The following RXFP3 variants were observed in gnomAD, a reference collection of about 807,000 sequenced individuals.
The protein encoded by RXFP3 is relaxin family peptide receptor 3, also known as relaxin-3 receptor 1.
In RXFP3, 31 loss-of-function variants were observed where a neutral mutation model predicts 27.3. The observed-to-expected ratio is 1.13, with a 90% confidence interval of 0.85 to 1.53. The LOEUF (loss-of-function observed/expected upper bound fraction) is 1.53, where lower values mean the gene tolerates loss of function less well. RXFP3 is among the 40% of genes most tolerant of loss of function. The probability of loss-of-function intolerance (pLI) is 0.00; values close to 1 mark genes in which losing one functional copy is unlikely to be tolerated. For synonymous variants in RXFP3, 351 were observed against 293.6 expected (o/e 1.20, Z -2.00); for missense variants, 684 against 642.1 (o/e 1.07, Z -0.70).
rs1751665198 is a variant in RXFP3 at position 33,936,474 on chromosome 5, G to A, written c.-267G>A. On this transcript the variant is annotated 5_prime_UTR_variant, in exon 1 of 1. Coordinates refer to ENST00000330120, the MANE Select transcript of RXFP3 (RefSeq NM_016568.3). ...ATAAGGACCTAGGGACTCCGAGCTT[G>A]GCCTGAGAACCCTTGGACGCCGAGT... The A allele has an allele frequency of 2.5e-6, 1 of 401,194 alleles. No individual in the cohort carries two copies. The highest frequency in any genetic ancestry group is 4.4e-6 in the Non-Finnish European group (1 of 226,368). The allele number at this position is 401,194 out of a possible 1,614,324, so 24.9% of individuals were successfully genotyped here.
Position 33,937,987 on chromosome 5 carries a change from G to A in RXFP3, c.1247G>A (p.Arg416His), listed in dbSNP as rs769935103. The change falls in exon 1 of 1, where the codon CGC (arginine) becomes CAC (histidine). Residue 416 changes from arginine to histidine, a missense_variant. By Grantham distance (29) the Arg-to-His change is conservative. Coordinates refer to ENST00000330120, the MANE Select transcript of RXFP3 (RefSeq NM_016568.3). ...GCGTCTCCTTCGATCACCAGCATGCGCCCCTTCACCGCCACTACCAAGCCG... is the reference window on the plus strand; with the variant it reads ...GCGTCTCCTTCGATCACCAGCATGCACCCCTTCACCGCCACTACCAAGCCG... ...RIASPSITSM[R>H]PFTATTKPEH... 2 of 1,612,684 alleles carry A rather than the reference G, an allele frequency of 1.2e-6. No individual in the cohort carries two copies. Among genetic ancestry groups the A allele is most frequent in the African/African-American group, 1.3e-5 (1 of 75,052 alleles).
Position 33,937,789 on chromosome 5 carries a change from T to C in RXFP3, c.1049T>C (p.Ile350Thr). 1.2e-6 allele frequency: 2 copies of C among 1,614,122 alleles called. No homozygotes were observed. The highest frequency in any genetic ancestry group is 1.7e-6 in the Non-Finnish European group (2 of 1,180,030). Residue 350 changes from isoleucine (I) to threonine (T), a missense_variant, in exon 1 of 1, where the codon ATC (isoleucine) becomes ACC (threonine). Ile to Thr is a moderately conservative substitution (Grantham distance 89). Coordinates refer to ENST00000330120, the MANE Select transcript of RXFP3 (RefSeq NM_016568.3). ...AACCAGGCGCTCACCACCTGGAGCA[T>C]CCTCATCAAGTTCAACGCGGTGCCC... ...LPNQALTTWS[I>T]LIKFNAVPFS...
rs1340006701 is a variant in RXFP3 at position 33,937,108 on chromosome 5, A to G, written c.368A>G (p.Asn123Ser). The G allele has an allele frequency of 1.2e-6, 2 of 1,613,168 alleles. No homozygotes were observed. The highest frequency in any genetic ancestry group is 4.5e-5 in the East Asian group (2 of 44,822). Residue 123 changes from asparagine (N) to serine (S), a missense_variant, in exon 1 of 1, where the codon AAC becomes AGC. Transcript: ENST00000330120. ...RKSSINLFVT[N>S]LALTDFQFVL... is the part of the protein sequence containing the mutation. The stretch of plus-strand genomic sequence containing the variant: ...TCCTCTATCAACCTCTTCGTCACCA[A>G]CCTGGCGCTGACGGACTTTCAGTTT...
rs1561348733 is a variant in RXFP3 at position 33,937,357 on chromosome 5, T to C, written c.617T>C (p.Leu206Pro). 3.7e-6 allele frequency: 6 copies of C among 1,612,804 alleles called. No individual in the cohort carries two copies. The highest frequency in any genetic ancestry group is 5.1e-6 in the Non-Finnish European group (6 of 1,179,946). The change falls in exon 1 of 1, where the codon CTG (leucine) becomes CCG (proline). Residue 206 changes from leucine (L) to proline (P), a missense_variant. Physicochemically the swap from Leu to Pro is moderately conservative, Grantham distance 98. Transcript: ENST00000330120. The stretch of plus-strand genomic sequence containing the variant: ...CGGGGCGACTGCTGCGGCCGGAGCC[T>C]GGGGGACAGCTGCTGCTTCTCGGCC... ...HGRGDCCGRS[L>P]GDSCCFSAKA...
rs760175538 is a variant in RXFP3, at chr5:33,937,956, C to T, written c.1216C>T (p.Arg406Cys). Residue 406 changes from arginine to cysteine, a missense_variant, in exon 1 of 1, where the codon CGC becomes TGC. Transcript: ENST00000330120. ...CAAGGCGCTCAAGAGCCTGCTGTGG[C>T]GCATCGCGTCTCCTTCGATCACCAG... is the stretch of plus-strand genomic sequence containing the variant. ...FRKALKSLLW[R>C]IASPSITSMR... 1.2e-6 allele frequency: 2 copies of T among 1,613,398 alleles called. No individual in the cohort carries two copies. The highest frequency in any genetic ancestry group is 1.7e-6 in the Non-Finnish European group (2 of 1,180,030).
Position 33,937,276 on chromosome 5 carries a change from C to A in RXFP3, c.536C>A (p.Thr179Lys), listed in dbSNP as rs1225974660. The A allele has an allele frequency of 4.3e-6, 7 of 1,613,676 alleles. No individual in the cohort carries two copies. Among genetic ancestry groups the A allele is most frequent in the Non-Finnish European group, 3.4e-6 (4 of 1,179,984 alleles). Residue 179 changes from threonine (T) to lysine (K), a missense_variant, in exon 1 of 1, where the codon ACG becomes AAG. Transcript: ENST00000330120. The stretch of plus-strand genomic sequence containing the variant: ...TTCTTCCTCACTGCCATGAGTGTGA[C>A]GCGCTACCATTCGGTGGCCTCGGCT... ...SVFFLTAMSVTRYHSVASALK... is the reference protein window; with the variant it reads ...SVFFLTAMSVKRYHSVASALK...
rs1751697059 is a variant in RXFP3 at position 33,937,637 on chromosome 5, GGCGGGGACCAAAGGAGGGGCCGCGGTA to G, written c.900_926del (p.Thr302_Gly310del). On this transcript the variant is annotated inframe_deletion, in exon 1 of 1. Coordinates refer to ENST00000330120, the MANE Select transcript of RXFP3 (RefSeq NM_016568.3). ...TGCGCTTCATCGCCGACCGCCGCGCGGCGGGGACCAAAGGAGGGGCCGCGGTAGCCGGAGGACGCCCGACCGGAGCCA... is the reference window on the plus strand; with the variant it reads ...TGCGCTTCATCGCCGACCGCCGCGCGGCCGGAGGACGCCCGACCGGAGCCA... 7 of 1,596,702 alleles carry G rather than the reference GGCGGGGACCAAAGGAGGGGCCGCGGTA, an allele frequency of 4.4e-6. No individual in the cohort carries two copies. Among genetic ancestry groups the G allele is most frequent in the Admixed American group, 1.7e-5 (1 of 57,174 alleles).
Position 33,937,679 on chromosome 5 carries a change from G to T in RXFP3, c.939G>T (p.Pro313=), listed in dbSNP as rs779651580. ...KGGAAVAGGR[P]TGASARRLSK... is the part of the protein sequence containing the mutation. ...GGGCCGCGGTAGCCGGAGGACGCCC[G>T]ACCGGAGCCAGCGCCCGGAGACTGT... Residue 313 remains proline, a synonymous_variant, in exon 1 of 1, where the codon CCG becomes CCT. Transcript: ENST00000330120. The T allele has an allele frequency of 3.1e-6, 5 of 1,610,712 alleles. No homozygotes were observed. The highest frequency in any genetic ancestry group is 1.7e-5 in the Admixed American group (1 of 59,672).
chr5:33,938,845 C>A lies in RXFP3; in HGVS notation c.*695C>A, dbSNP rs888323793. Among the ~76,000 whole-genome samples, 1 of 152,248 alleles carries A rather than the reference C, an allele frequency of 6.6e-6. No individual in the cohort carries two copies. Among genetic ancestry groups the A allele is most frequent in the African/African-American group, 2.4e-5 (1 of 41,472 alleles). On this transcript the variant is annotated 3_prime_UTR_variant, in exon 1 of 1. Transcript: ENST00000330120. Reference sequence around the variant, plus strand: ...CCGACCTAGCTGCACAGCCCCGGAGCTCAGACGTTAGCAGGGGGATAACAC... The same window carrying A: ...CCGACCTAGCTGCACAGCCCCGGAGATCAGACGTTAGCAGGGGGATAACAC...
rs1751673211 is a variant in RXFP3, at chr5:33,936,810, C to A, written c.70C>A (p.Leu24Ile). The A allele has an allele frequency of 1.9e-6, 3 of 1,557,342 alleles. No homozygotes were observed. The highest frequency in any genetic ancestry group is 2.4e-5 in the South Asian group (2 of 83,102). Residue 24 changes from leucine (L) to isoleucine (I), a missense_variant, in exon 1 of 1, where the codon CTC becomes ATC. By Grantham distance (5) the Leu-to-Ile change is conservative. Coordinates refer to ENST00000330120, the MANE Select transcript of RXFP3 (RefSeq NM_016568.3). ...KAAGGDKLAELFSLVPDLLEA... is the reference protein window; with the variant it reads ...KAAGGDKLAEIFSLVPDLLEA... ...AGCAGGCGGGGACAAGCTAGCAGAA[C>A]TCTTCAGTCTGGTCCCGGACCTTCT...
rs536064158 is a variant in RXFP3 at position 33,937,481 on chromosome 5, C to T, written c.741C>T (p.Cys247=). The T allele has an allele frequency of 2.1e-4, 337 of 1,603,634 alleles. 3 individuals carry two copies. The South Asian group carries it at 3.6e-3, about 17-fold the overall frequency. Residue 247 remains cysteine (C), a synonymous_variant, in exon 1 of 1, where the codon TGC becomes TGT. Transcript: ENST00000330120. ...TCAAGGTGATGGGCGAGGAGCTGTG[C>T]CTGGTGCGTTTCCCGGACAAGTTGC... ...TTVKVMGEEL[C]LVRFPDKLLG... is the part of the protein sequence containing the mutation.
At position 33,936,711 on chromosome 5, in the gene RXFP3, C is replaced by T. The variant is rs939165610; in HGVS notation, c.-30C>T. ...AAACCGTGTTATCTTAGGTCTTGTC[C>T]CCCAGAACATGACCTAGAGGTACCT... On this transcript the variant is annotated 5_prime_UTR_variant, in exon 1 of 1. Transcript: ENST00000330120. The T allele has an allele frequency of 5.3e-5, 80 of 1,503,432 alleles. No individual in the cohort carries two copies. The highest frequency in any genetic ancestry group is 7.0e-5 in the Non-Finnish European group (79 of 1,124,256). The allele number at this position is 1,503,432 out of a possible 1,614,324, so 93.1% of individuals were successfully genotyped here. A position where few individuals can be genotyped will look rare whatever the true frequency, so the allele number is the denominator to read the frequency against.
rs1271866698 is a variant in RXFP3, at chr5:33,938,239, G to A, written c.*89G>A. 4.7e-6 allele frequency: 6 copies of A among 1,275,734 alleles called. No individual in the cohort carries two copies. The highest frequency in any genetic ancestry group is 6.4e-6 in the Non-Finnish European group (6 of 932,654). The allele number at this position is 1,275,734 out of a possible 1,614,324, so 79.0% of individuals were successfully genotyped here. On this transcript the variant is annotated 3_prime_UTR_variant, in exon 1 of 1. Transcript: ENST00000330120. ...TGAAAGGATGAAGGAGGGCTGGGGG[G>A]GGCCCCATTTAAGAAGTAGGTGGGA...
rs940987198 is a variant in RXFP3 at position 33,938,505 on chromosome 5, G to A, written c.*355G>A. On this transcript the variant is annotated 3_prime_UTR_variant, in exon 1 of 1. Coordinates refer to ENST00000330120, the MANE Select transcript of RXFP3 (RefSeq NM_016568.3). Reference sequence around the variant, plus strand: ...AGCAAAAATGTAGAGAAATTGGCACGGGGAGCGGGGCTTAGCCAAATGATG... The same window carrying A: ...AGCAAAAATGTAGAGAAATTGGCACAGGGAGCGGGGCTTAGCCAAATGATG... 6.6e-6 allele frequency among the ~76,000 whole-genome samples: 1 copy of A among 152,206 alleles called. No individual in the cohort carries two copies. The highest frequency in any genetic ancestry group is 2.4e-5 in the African/African-American group (1 of 41,454).
In RXFP3 at chr5:33,938,686, A is replaced by C. The variant is rs1267710514; in HGVS notation, c.*536A>C. On this transcript the variant is annotated 3_prime_UTR_variant, in exon 1 of 1. Coordinates refer to ENST00000330120, the MANE Select transcript of RXFP3 (RefSeq NM_016568.3). ...AGGAATCTAGAGCTGGTAGGCAAGA[A>C]ACGCTTTTGGAGTTAAGAAAAAGAA... Among the ~76,000 whole-genome samples, 1 of 152,242 alleles carries C rather than the reference A, an allele frequency of 6.6e-6. No homozygotes were observed. Among genetic ancestry groups the C allele is most frequent in the Non-Finnish European group, 1.5e-5 (1 of 68,044 alleles).
Position 33,937,085 on chromosome 5 carries a change from C to CTCTA in RXFP3, c.348_351dup (p.Asn118TyrfsTer29), listed in dbSNP as rs1235287472. On this transcript the variant is annotated frameshift_variant, in exon 1 of 1. Transcript: ENST00000330120. LOFTEE classifies it high-confidence loss of function. ...AGAGCATGCAGGGCTGGCGCAAGTC[C>CTCTA]TCTATCAACCTCTTCGTCACCAACC... 1.2e-6 allele frequency: 2 copies of CTCTA among 1,614,144 alleles called. No homozygotes were observed. The highest frequency in any genetic ancestry group is 3.3e-5 in the Admixed American group (2 of 60,034).
rs1428650241 is a variant in RXFP3, at chr5:33,938,073, C to T, written c.1333C>T (p.Leu445=). 6 of 1,611,408 alleles carry T rather than the reference C, an allele frequency of 3.7e-6. No homozygotes were observed. The highest frequency in any genetic ancestry group is 5.1e-6 in the Non-Finnish European group (6 of 1,179,446). The change falls in exon 1 of 1, where the codon CTG becomes TTG. Residue 445 remains leucine (L), a synonymous_variant. Transcript: ENST00000330120. ...GCCCCACGCGGCCGCGGAGCCGGAC[C>T]TGCTCTACTACCCACCTGGCGTCGT... is the stretch of plus-strand genomic sequence containing the variant. ...APPHAAAEPD[L]LYYPPGVVVY...
Position 33,937,523 on chromosome 5 carries a change from G to C in RXFP3, c.783G>C (p.Gln261His), listed in dbSNP as rs1308256688. 2 of 1,582,674 alleles carry C rather than the reference G, an allele frequency of 1.3e-6. No homozygotes were observed. The highest frequency in any genetic ancestry group is 2.3e-5 in the South Asian group (2 of 87,206). The part of the protein sequence containing the change: ...FPDKLLGRDR[Q>H]FWLGLYHSQK... ...ACAAGTTGCTGGGCCGCGACAGGCA[G>C]TTCTGGCTGGGCCTCTACCACTCGC... The change falls in exon 1 of 1, where the codon CAG becomes CAC. Residue 261 changes from glutamine to histidine, a missense_variant. Transcript: ENST00000330120.
chr5:33,937,454 G>C lies in RXFP3; in HGVS notation c.714G>C (p.Thr238=), dbSNP rs547132118. The C allele has an allele frequency of 1.2e-5, 20 of 1,610,934 alleles. No homozygotes were observed. The East Asian group carries it at 3.1e-4, about 25-fold the overall frequency. ...ASLPSAIFST[T]VKVMGEELCL... is the part of the protein sequence containing the mutation. ...TGCCCAGTGCCATTTTCTCCACCAC[G>C]GTCAAGGTGATGGGCGAGGAGCTGT... Residue 238 remains threonine (T), a synonymous_variant, in exon 1 of 1, where the codon ACG becomes ACC. Coordinates refer to ENST00000330120, the MANE Select transcript of RXFP3 (RefSeq NM_016568.3).
Sources: allele counts gnomAD v4.1 joint callset (sites outside exome capture counted in the v4.1 genomes callset), GRCh38; gene constraint gnomAD v4.1.1; transcripts MANE v1.5; gene names NCBI Gene and HGNC (gene_info 2026-07-23, HGNC 2026-07-21).